The following COL25A1 variants were observed in gnomAD, a reference collection of about 807,000 sequenced individuals.
COL25A1 encodes collagen type XXV alpha 1 chain.
COL25A1 carries 103 observed loss-of-function variants against 128.4 expected under a neutral mutation model. That is an observed-to-expected ratio of 0.80 (90% CI 0.68 to 0.94). The LOEUF (loss-of-function observed/expected upper bound fraction) is 0.94. COL25A1 is among the 40% of genes least tolerant of loss of function. The pLI is 0.00. For missense variants in COL25A1, 745 were observed against 840.0 expected (o/e 0.89, Z 1.40); for synonymous variants, 279 against 277.2 (o/e 1.01, Z -0.06).
At chr4:109,086,688 G>A (rs1764412989) in intron 3 of COL25A1, among the ~76,000 whole-genome samples, 2 of 152,014 alleles carry the variant, frequency 1.3e-5, no homozygotes, top group Non-Finnish European at 2.9e-5. Context: ...TGACTGCTGG[G>A]AATTGCTCTT....
intron 3 of COL25A1, among the ~76,000 whole-genome samples, chr4:109,132,096 G>C (rs1769269662): frequency 6.6e-6 from 1 of 152,154 alleles, no homozygotes; most frequent in East Asian, 1.9e-4. Context: ...AAAAGAATTG[G>C]GCAGAGATAG....
At chr4:109,065,545 C>CGCGCGCGTGTGTGT (rs771855567) in intron 3 of COL25A1, among the ~76,000 whole-genome samples, 1 of 141,132 alleles carries the variant, frequency 7.1e-6, no homozygotes, top group African/African-American at 2.7e-5. Flanking sequence ...CGCGCGCGCG[C>CGCGCGCGTGTGTGT]GTGTGTGTGT....
intron 3 of COL25A1, among the ~76,000 whole-genome samples, chr4:109,201,202 G>T (rs1398160698): frequency 6.6e-6 from 1 of 152,110 alleles, no homozygotes; most frequent in Admixed American, 6.5e-5. Flanking sequence ...TATCTTTTCT[G>T]TTGGTATGCA....
At chr4:108,889,638 A>C in intron 17 of COL25A1, 63 bp downstream of exon 17, 2 of 1,377,636 alleles carry the variant, frequency 1.5e-6, no homozygotes, top group Non-Finnish European at 2.1e-6. Context: ...GAGAGAAAGT[A>C]GAGGCCTATA....
intron 3 of COL25A1, among the ~76,000 whole-genome samples, chr4:109,082,968 AAATAT>A (rs1763988276): frequency 6.6e-6 from 1 of 152,200 alleles, no homozygotes; most frequent in Non-Finnish European, 1.5e-5. Flanking sequence ...ATTAGATGAG[AAATAT>A]AATATGATGA....
intron 3 of COL25A1, among the ~76,000 whole-genome samples, chr4:109,223,076 G>A (rs971357477): frequency 6.6e-6 from 1 of 152,082 alleles, no homozygotes; most frequent in Non-Finnish European, 1.5e-5. Context: ...AATTCCTGAA[G>A]GATGCTTTAG....
intron 32 of COL25A1, among the ~76,000 whole-genome samples, 155 bp from the exon 33 acceptor site, chr4:108,827,343 A>T (rs1732520077): frequency 6.6e-6 from 1 of 152,190 alleles, no homozygotes; most frequent in South Asian, 2.1e-4. Flanking sequence ...TGATATTTGG[A>T]AAGTAATCCA....
intron 3 of COL25A1, among the ~76,000 whole-genome samples, chr4:109,237,347 TGAA>T (rs1779542600): frequency 6.6e-6 from 1 of 152,100 alleles, no homozygotes; most frequent in African/African-American, 2.4e-5. Flanking sequence ...TAAGTGGAGA[TGAA>T]TAAAACATCT....
chr4:109,140,091 G>T (rs1770248466), intron 3 of COL25A1, among the ~76,000 whole-genome samples: 1 of 152,150 alleles, frequency 6.6e-6, no homozygotes, highest in South Asian at 2.1e-4. Flanking sequence ...ATTTGGGTTG[G>T]TTCCAAGTCT....
chr4:108,814,478 G>C lies in COL25A1; in HGVS notation c.1963-549C>G, dbSNP rs187890170. On this transcript the variant is annotated intron_variant, in intron 37 of 37. Coordinates refer to ENST00000399132, the MANE Select transcript of COL25A1 (RefSeq NM_198721.4). ...GTTGTGCAAGGTAGACCTGCCTGCT[G>C]TCAGGCCTTCAATCTGTATTACAGG... 6.6e-5 allele frequency among the ~76,000 whole-genome samples: 10 copies of C among 152,268 alleles called. No individual in the cohort carries two copies. In the East Asian group the frequency reaches 1.9e-3, roughly 29 times the overall value.
chr4:108,883,622 T>G (rs1020409366), intron 19 of COL25A1, among the ~76,000 whole-genome samples: 2 of 152,186 alleles, frequency 1.3e-5, no homozygotes, highest in African/African-American at 4.8e-5. Context: ...CAAACTAAGC[T>G]TTAAGCAATT....
intron 13 of COL25A1, among the ~76,000 whole-genome samples, chr4:108,902,360 TA>T (rs754324746): frequency 6.6e-6 from 1 of 152,032 alleles, no homozygotes; most frequent in Non-Finnish European, 1.5e-5. Context: ...AGAAGTTAAG[TA>T]ATTTGTCCAG....
chr4:109,099,503 T>C (rs1406705414), intron 3 of COL25A1, among the ~76,000 whole-genome samples: 2 of 152,010 alleles, frequency 1.3e-5, no homozygotes, highest in African/African-American at 2.4e-5. Context: ...AATATTTATA[T>C]GTTAACATCA....
chr4:109,044,377 A>G (rs144911670), intron 5 of COL25A1, among the ~76,000 whole-genome samples: 123 of 152,240 alleles, frequency 8.1e-4, no homozygotes, highest in African/African-American at 2.8e-3. Context: ...GCTAAATTAA[A>G]TTTTATCATT....
intron 3 of COL25A1, among the ~76,000 whole-genome samples, chr4:109,215,822 A>G (rs1777936336): frequency 6.6e-6 from 1 of 152,150 alleles, no homozygotes; most frequent in South Asian, 2.1e-4. Flanking sequence ...TGAATACAGC[A>G]TGAGACCCTC....
intron 19 of COL25A1, among the ~76,000 whole-genome samples, chr4:108,883,275 G>T (rs1443784169): frequency 6.6e-6 from 1 of 151,922 alleles, no homozygotes; most frequent in Non-Finnish European, 1.5e-5. Context: ...TAATCCGCCC[G>T]CTTCAGCCTC....
chr4:109,122,700 C>T (rs904183523), intron 3 of COL25A1, among the ~76,000 whole-genome samples: 1 of 151,928 alleles, frequency 6.6e-6, no homozygotes, highest in South Asian at 2.1e-4. Context: ...AATGGAAGGA[C>T]ATTTGGAGCT....
chr4:109,108,720 A>AT (rs200294455), intron 3 of COL25A1, among the ~76,000 whole-genome samples: 17 of 152,286 alleles, frequency 1.1e-4, no homozygotes, highest in Admixed American at 8.5e-4. Context: ...CATTAAGGTG[A>AT]TTTTTAAAAA....
At chr4:109,063,710 T>C (rs1164908355) in intron 3 of COL25A1, among the ~76,000 whole-genome samples, 1 of 152,062 alleles carries the variant, frequency 6.6e-6, no homozygotes, top group African/African-American at 2.4e-5. Context: ...GCTAGCCACA[T>C]GCACTGCAGC....
Sources: gnomAD v4.1 joint callset for allele counts (sites outside exome capture counted in the v4.1 genomes callset) on GRCh38, gnomAD v4.1.1 for gene constraint, MANE v1.5 for transcripts, NCBI Gene and HGNC (gene_info 2026-07-23, HGNC 2026-07-21) for gene names.